The following NDRG2 variants were observed in gnomAD, a reference collection of about 807,000 sequenced individuals.
NDRG2 encodes NDRG family member 2, also known as protein NDRG2.
In NDRG2, 34 loss-of-function variants were observed where a neutral mutation model predicts 58.2. The observed-to-expected ratio is 0.58, with a 90% CI of 0.44 to 0.78. NDRG2 has a LOEUF of 0.78. Ranked by LOEUF, NDRG2 falls within the 30% of genes least tolerant of loss-of-function variation. The pLI, the probability that NDRG2 is intolerant of heterozygous loss-of-function variation, is 0.00. For synonymous variants in NDRG2, 187 were observed against 175.9 expected (o/e 1.06, Z -0.50); for missense variants, 434 against 471.2 (o/e 0.92, Z 0.73).
intron 1 of NDRG2, 99 bp from the exon 2 acceptor site, chr14:21,023,420 C>A (rs773289056): frequency 1.8e-6 from 2 of 1,083,640 alleles, no homozygotes; most frequent in Non-Finnish European, 2.7e-6. Context: ...ATGCAGGGAA[C>A]AGAGGGACCC....
upstream of NDRG2, among the ~76,000 whole-genome samples, chr14:21,026,518 C>G (rs1281204206): frequency 2.0e-5 from 3 of 151,004 alleles, no homozygotes; most frequent in Non-Finnish European, 4.4e-5. Context: ...CCACCACCAC[C>G]CTCACCACCC....
intron 1 of NDRG2, among the ~76,000 whole-genome samples, chr14:21,031,506 G>C (rs1337229012): frequency 6.6e-6 from 1 of 152,124 alleles, no homozygotes; most frequent in Non-Finnish European, 1.5e-5. Flanking sequence ...TTTAATCTCA[G>C]GCCTCCTGCC....
At chr14:21,031,426 G>A in intron 1 of NDRG2, 1 of 484,306 alleles carries the variant, frequency 2.1e-6, no homozygotes, top group Non-Finnish European at 3.6e-6. Context: ...GGGCTTGGTA[G>A]CTTTTGGAGG....
At chr14:21,018,086 G>T (rs1268022052) in intron 14 of NDRG2, 48 bp from the exon 15 acceptor site, 1 of 1,606,606 alleles carries the variant, frequency 6.2e-7, no homozygotes, top group African/African-American at 1.3e-5. Flanking sequence ...GAGGTTAGAG[G>T]AAGAGCTGGA....
Position 21,068,266 on chromosome 14 carries a change from TG to T in NDRG2, c.24+2561del, listed in dbSNP as rs1255682821. 3.2e-4 allele frequency among the ~76,000 whole-genome samples: 4 copies of T among 12,322 alleles called. 2 individuals are homozygous for T. In the Admixed American group the frequency reaches 0.01, roughly 31 times the overall value. 8.1% of individuals were successfully genotyped at this position (12,322 alleles called of 152,430 possible). ...CGCCCGCCTCGGCCTCCCAAAGTGCTGGGATTACAGGCGTGAGCCACCGCGC... is the reference window on the plus strand; with the variant it reads ...CGCCCGCCTCGGCCTCCCAAAGTGCTGGATTACAGGCGTGAGCCACCGCGC... On this transcript the variant is annotated intron_variant, in intron 1 of 14. Transcript: ENST00000403829.
At chr14:21,051,979 C>T (rs1422561974) in intron 1 of NDRG2, among the ~76,000 whole-genome samples, 2 of 152,188 alleles carry the variant, frequency 1.3e-5, no homozygotes, top group Non-Finnish European at 2.9e-5. Context: ...CTCTGCTCCC[C>T]TTCTTTCAAG....
At chr14:21,025,207 C>G (rs1282924001), upstream of NDRG2, 3 of 868,422 alleles carry the variant, frequency 3.5e-6, no homozygotes, top group Non-Finnish European at 2.8e-6. This position sits in a 1 kb window ranked among gnomAD's most constrained non-coding sequence, Gnocchi z 5.1. Flanking sequence ...CCCAGACTGC[C>G]GCTCAGGAAA....
chr14:21,058,381 C>T, intron 1 of NDRG2: 1 of 1,508,128 alleles, frequency 6.6e-7, no homozygotes, highest in Non-Finnish European at 9.1e-7. Context: ...CGTTCCACCT[C>T]ACACTCTGCA....
chr14:21,037,521 A>G (rs1884701831), intron 1 of NDRG2, among the ~76,000 whole-genome samples: 1 of 152,260 alleles, frequency 6.6e-6, no homozygotes, highest in Admixed American at 6.5e-5. Context: ...TGTCACAACC[A>G]GGAGTTGCTA....
At chr14:21,029,958 C>A (rs566122134), upstream of NDRG2, among the ~76,000 whole-genome samples, 1 of 152,210 alleles carries the variant, frequency 6.6e-6, no homozygotes. Context: ...CTTCCCTGGG[C>A]TCGCCTCAGC....
At chr14:21,069,386 C>G (rs1234775246) in intron 1 of NDRG2, among the ~76,000 whole-genome samples, 1 of 152,228 alleles carries the variant, frequency 6.6e-6, no homozygotes, top group Non-Finnish European at 1.5e-5. Flanking sequence ...TATAGCCACC[C>G]CAACAGAAGG....
intron 1 of NDRG2, among the ~76,000 whole-genome samples, chr14:21,045,146 G>A (rs986523882): frequency 6.6e-6 from 1 of 152,162 alleles, no homozygotes; most frequent in African/African-American, 2.4e-5. Context: ...CCCCACTAAG[G>A]TCTCCCGAGA....
At chr14:21,021,184 T>TGGAGA in intron 6 of NDRG2, 2 of 477,302 alleles carry the variant, frequency 4.2e-6, no homozygotes, top group South Asian at 3.2e-5. Flanking sequence ...CTTGTTCTGC[T>TGGAGA]TTAGTTCCTG....
Position 21,057,392 on chromosome 14 carries a change from C to T in NDRG2, c.24+13436G>A, listed in dbSNP as rs144323701. 7.5e-3 allele frequency among the ~76,000 whole-genome samples: 1,139 copies of T among 151,322 alleles called. 15 individuals carry two copies. The highest frequency in any genetic ancestry group is 0.026 in the African/African-American group (1,088 of 41,158). On this transcript the variant is annotated intron_variant, in intron 1 of 14. Transcript: ENST00000403829. ...CAGAGGTTGCAGTGAGCCAAGATCG[C>T]GCCATTGCACTCCAGCATGGGCGAC...
At position 21,018,471 on chromosome 14, in the gene NDRG2, T is replaced by C; in HGVS notation, c.847A>G (p.Thr283Ala). 3.7e-6 allele frequency: 6 copies of C among 1,613,930 alleles called. No individual in the cohort carries two copies. The highest frequency in any genetic ancestry group is 5.1e-6 in the Non-Finnish European group (6 of 1,179,956). ...ECNSKLDPTQ[T>A]SFLKMADSGG... ...AGGTTACTGACCTTGAGGAACGAGG[T>C]CTGGGTGGGGTCCAGTTTTGAGTTA... Residue 283 changes from threonine to alanine, a missense_variant, in exon 13 of 16, where the codon ACC becomes GCC. Physicochemically the swap from Thr to Ala is moderately conservative, Grantham distance 58. Coordinates refer to ENST00000556147, the MANE Select transcript of NDRG2 (RefSeq NM_001320329.2).
intron 8 of NDRG2, 74 bp from the exon 9 acceptor site, chr14:21,020,050 C>CTT (rs1879259422): frequency 7.1e-7 from 1 of 1,398,806 alleles, no homozygotes; most frequent in African/African-American, 1.4e-5. Flanking sequence ...AATCCCAGCA[C>CTT]TTTGGGAGGC....
rs954157697 is a variant in NDRG2, at chr14:21,024,191, T to C, written c.-168A>G. On this transcript the variant is annotated 5_prime_UTR_variant, in exon 1 of 16. Coordinates refer to ENST00000556147, the MANE Select transcript of NDRG2 (RefSeq NM_001320329.2). ...TCAGCCAAGACCCAGACTCCCAGGG[T>C]CATCAACCTCCTCGGGTCACTAACC... 2.0e-6 allele frequency: 2 copies of C among 985,328 alleles called. No individual in the cohort carries two copies. The highest frequency in any genetic ancestry group is 2.4e-6 in the Non-Finnish European group (2 of 829,958). The allele number at this position is 985,328 out of a possible 1,614,324, so 61.0% of individuals were successfully genotyped here.
At chr14:21,053,392 C>T (rs1052372527) in intron 1 of NDRG2, among the ~76,000 whole-genome samples, 1 of 152,112 alleles carries the variant, frequency 6.6e-6, no homozygotes, top group Non-Finnish European at 1.5e-5. Context: ...CTTGGGGAGG[C>T]CGAGGCAGGT....
upstream of NDRG2, among the ~76,000 whole-genome samples, chr14:21,027,064 G>GTCC (rs1236650101): frequency 6.6e-6 from 1 of 152,178 alleles, no homozygotes; most frequent in East Asian, 1.9e-4. Flanking sequence ...GATGACTCAG[G>GTCC]GGGAACCTGA....
Sources: gnomAD v4.1 joint callset for allele counts (sites outside exome capture counted in the v4.1 genomes callset) on GRCh38, gnomAD v4.1.1 for gene constraint, Gnocchi (gnomAD v3.1) non-coding constraint, MANE v1.5 for transcripts, NCBI Gene and HGNC (gene_info 2026-07-23, HGNC 2026-07-21) for gene names.